USP45: variants seen among roughly 807,000 people sequenced by gnomAD.
USP45 encodes the protein ubiquitin specific peptidase 45.
A neutral mutation model predicts 95.8 loss-of-function variants in USP45; 89 were observed. The ratio of observed to expected loss-of-function variants is 0.93; its 90% confidence interval spans 0.78 to 1.11. USP45 has a LOEUF of 1.11. USP45 is among the 50% of genes least tolerant of loss of function. The pLI is 0.00. For missense variants in USP45, 898 were observed against 942.5 expected, an observed-to-expected ratio of 0.95 and a Z score of 0.62; for synonymous variants, 281 against 316.2, an observed-to-expected ratio of 0.89 and a Z score of 1.18.
Position 99,488,773 on chromosome 6 carries a change from CT to C in USP45, c.525del (p.Asp176MetfsTer14), listed in dbSNP as rs756439074. 3 of 1,602,282 alleles carry C rather than the reference CT, an allele frequency of 1.9e-6. No individual in the cohort carries two copies. The African/African-American group carries it at 4.0e-5, about 22-fold the overall frequency. ...CATTTTCCTCCCTTCTGTATTTCAT[CT>C]GTTTCACATTTTTCTTCACAAAGTT... ...IMKLCEEKCETDEIQKGGKCR... is the reference protein window; with the variant it reads ...IMKLCEEKCEXDEIQKGGKCR... On this transcript the variant is annotated frameshift_variant, in exon 6 of 18. Coordinates refer to ENST00000500704, the MANE Select transcript of USP45 (RefSeq NM_001346022.3). LOFTEE classifies it high-confidence loss of function.
At chr6:99,497,683 C>A (rs1315444042) in intron 5 of USP45, among the ~76,000 whole-genome samples, 1 of 152,198 alleles carries the variant, frequency 6.6e-6, no homozygotes, top group Non-Finnish European at 1.5e-5. Context: ...TACAAAATCA[C>A]TGATCAGCCA....
At chr6:99,470,588 T>C (rs1463930467) in intron 9 of USP45, among the ~76,000 whole-genome samples, 1 of 152,130 alleles carries the variant, frequency 6.6e-6, no homozygotes, top group Non-Finnish European at 1.5e-5. Flanking sequence ...ACTTATATAC[T>C]ATAAAGAAAT....
Position 99,502,686 on chromosome 6 carries a change from A to C in USP45, c.478+1079T>G, listed in dbSNP as rs375454925. 5.9e-5 allele frequency among the ~76,000 whole-genome samples: 9 copies of C among 152,304 alleles called. No individual in the cohort carries two copies. The East Asian group carries it at 1.3e-3, about 23-fold the overall frequency. ...GTCGAGTTGTAATCGCCAATGTTGG[A>C]GGAGGGGCCTGATGGGAAGTGACTG... On this transcript the variant is annotated intron_variant, in intron 5 of 17. Transcript: ENST00000500704.
chr6:99,504,078 G>A (rs1797983375), intron 4 of USP45, among the ~76,000 whole-genome samples: 3 of 152,286 alleles, frequency 2.0e-5, no homozygotes, highest in Middle Eastern at 3.4e-3. Context: ...GTTTATCTTA[G>A]GTATAATGAA....
At chr6:99,464,477 A>T in intron 13 of USP45, 127 bp downstream of exon 13, 1 of 992,610 alleles carries the variant, frequency 1.0e-6, no homozygotes, top group Non-Finnish European at 1.4e-6. Context: ...CCAAGTTGAT[A>T]ATTATGAAGC....
chr6:99,452,038 A>C (rs1783978424), intron 13 of USP45, among the ~76,000 whole-genome samples: 1 of 152,226 alleles, frequency 6.6e-6, no homozygotes, highest in African/African-American at 2.4e-5. Flanking sequence ...TTCAAGATGG[A>C]TCAAAGACTT....
rs775356157 is a variant in USP45, at chr6:99,510,139, A to T, written c.82T>A (p.Ser28Thr). Residue 28 changes from serine to threonine, a missense_variant, in exon 2 of 18, where the codon TCT (serine) becomes ACT (threonine). Physicochemically the swap from Ser to Thr is moderately conservative, Grantham distance 58. Coordinates refer to ENST00000500704, the MANE Select transcript of USP45 (RefSeq NM_001346022.3). ...AATTTACCAGCAATATCATCTGAAG[A>T]GTCTTCATCATGAGGTACAGTAGGC... ...KRPTVPHDED[S>T]SDDIAVGLTC... The T allele has an allele frequency of 5.6e-6, 9 of 1,606,092 alleles. No individual in the cohort carries two copies. The highest frequency in any genetic ancestry group is 5.1e-6 in the Non-Finnish European group (6 of 1,172,928).
intron 5 of USP45, among the ~76,000 whole-genome samples, chr6:99,503,521 G>T (rs1287538769): frequency 6.6e-6 from 1 of 151,888 alleles, no homozygotes; most frequent in African/African-American, 2.4e-5. Flanking sequence ...TAGTAGAGAC[G>T]GGGTTTCACC....
intron 13 of USP45, among the ~76,000 whole-genome samples, chr6:99,449,035 A>G (rs1433282615): frequency 6.6e-6 from 1 of 152,214 alleles, no homozygotes; most frequent in East Asian, 1.9e-4. Context: ...CTAAACATGG[A>G]AAGGAACAAC....
chr6:99,494,131 G>C (rs1056650679), intron 5 of USP45, among the ~76,000 whole-genome samples: 2 of 152,124 alleles, frequency 1.3e-5, no homozygotes, highest in Admixed American at 6.5e-5. Flanking sequence ...TAATCACAAA[G>C]TTTCCAGGCT....
At chr6:99,436,569 A>C in intron 17 of USP45, among the ~76,000 whole-genome samples, 1 of 152,096 alleles carries the variant, frequency 6.6e-6, no homozygotes, top group East Asian at 1.9e-4. Flanking sequence ...AACAAACAAA[A>C]AAAGCAAAGT....
chr6:99,517,526 C>T (rs759822230), upstream of USP45, among the ~76,000 whole-genome samples: 4 of 151,778 alleles, frequency 2.6e-5, no homozygotes, highest in Non-Finnish European at 5.9e-5. Flanking sequence ...CCTCTGCCTC[C>T]TGGGTTCAAG....
At chr6:99,503,919 G>T (rs1797951699) in intron 4 of USP45, 54 bp from the exon 5 acceptor site, 3 of 1,271,120 alleles carry the variant, frequency 2.4e-6, no homozygotes, top group Non-Finnish European at 3.2e-6. Context: ...CAATAATTTT[G>T]CACATCAGAT....
rs1396180706 is a variant in USP45 at position 99,465,062 on chromosome 6, T to C, written c.1164+18A>G. On this transcript the variant is annotated intron_variant, in intron 12 of 17. Transcript: ENST00000500704. ...ATGTTCTTCACCAAAGCTTCATCAT[T>C]AGTTTTCTTCTCCTTACCCTTTCTT... 6.4e-7 allele frequency: 1 copy of C among 1,565,832 alleles called. No homozygotes were observed. Among genetic ancestry groups the C allele is most frequent in the South Asian group, 1.2e-5 (1 of 85,046 alleles).
intron 8 of USP45, among the ~76,000 whole-genome samples, chr6:99,479,249 AG>A (rs2128693310): frequency 6.6e-6 from 1 of 151,784 alleles, no homozygotes; most frequent in South Asian, 2.1e-4. Flanking sequence ...TTAGAGAGAC[AG>A]GGGTGACAGG....
intron 14 of USP45, among the ~76,000 whole-genome samples, chr6:99,443,948 G>A (rs1455270824): frequency 6.6e-6 from 1 of 152,082 alleles, no homozygotes; most frequent in Non-Finnish European, 1.5e-5. Flanking sequence ...TTCTGTCAAT[G>A]CCCTCCAGCC....
intron 5 of USP45, among the ~76,000 whole-genome samples, chr6:99,489,069 A>T (rs553190814): frequency 6.6e-6 from 1 of 152,326 alleles, no homozygotes; most frequent in South Asian, 2.1e-4. Context: ...GATGAATTAA[A>T]AAACTAAATG....
intron 13 of USP45, among the ~76,000 whole-genome samples, chr6:99,454,163 T>C (rs1784507183): frequency 6.6e-6 from 1 of 152,056 alleles, no homozygotes; most frequent in Non-Finnish European, 1.5e-5. Flanking sequence ...TCCACATACT[T>C]ACAGCCAACT....
Position 99,465,036 on chromosome 6 carries a change from A to C in USP45, c.1164+44T>G, listed in dbSNP as rs757648709. 1.4e-5 allele frequency: 20 copies of C among 1,465,538 alleles called. No homozygotes were observed. The East Asian group carries it at 3.9e-4, about 28-fold the overall frequency. The allele number at this position is 1,465,538 out of a possible 1,614,324, so 90.8% of individuals were successfully genotyped here. A position where few individuals can be genotyped will look rare whatever the true frequency, so the allele number is the denominator to read the frequency against. On this transcript the variant is annotated intron_variant, in intron 12 of 17. Transcript: ENST00000500704. ...CAACAAATGTTTAAATAAATGATTA[A>C]ATGTTCTTCACCAAAGCTTCATCAT...
Sources: allele counts gnomAD v4.1 joint callset (sites outside exome capture counted in the v4.1 genomes callset), GRCh38; gene constraint gnomAD v4.1.1; transcripts MANE v1.5; gene names NCBI Gene and HGNC (gene_info 2026-07-23, HGNC 2026-07-21).